Variants in RRM1 observed in about 807,000 individuals in gnomAD.
RRM1 encodes the protein ribonucleoside-diphosphate reductase large subunit.
In RRM1, 19 loss-of-function variants were observed where a neutral mutation model predicts 101.5. That is an observed-to-expected ratio of 0.19 (90% CI 0.13 to 0.27). The LOEUF (loss-of-function observed/expected upper bound fraction) is 0.27, where lower values mean the gene tolerates loss of function less well. Among genes scored for constraint, RRM1 ranks in the 10% least tolerant of loss-of-function variants. The probability of loss-of-function intolerance (pLI) is 1.00; values close to 1 mark genes in which losing one functional copy is unlikely to be tolerated. For synonymous variants in RRM1, 298 were observed against 323.4 expected (o/e 0.92, Z 0.84); for missense variants, 500 against 962.9 (o/e 0.52, Z 6.36).
intron 1 of RRM1, among the ~76,000 whole-genome samples, chr11:4,097,370 A>G (rs1054350854): frequency 1.1e-4 from 17 of 151,648 alleles, no homozygotes; most frequent in African/African-American, 3.6e-4. Context: ...ATAGAGCACA[A>G]TTTGATCCAG....
intron 1 of RRM1, among the ~76,000 whole-genome samples, chr11:4,098,610 T>C (rs2094546778): frequency 6.6e-6 from 1 of 152,122 alleles, no homozygotes; most frequent in African/African-American, 2.4e-5. Context: ...ATAAATACTC[T>C]GATAGGTAAA....
intron 18 of RRM1, among the ~76,000 whole-genome samples, chr11:4,137,628 TC>T (rs1216698111): frequency 2.3e-4 from 1 of 4,294 alleles, no homozygotes. Flanking sequence ...GGGGGCTGAC[TC>T]CCCCCACCTC....
At position 4,127,547 on chromosome 11, in the gene RRM1, G is replaced by GT. The variant is rs576827092; in HGVS notation, c.1692+291_1692+292insT. On this transcript the variant is annotated intron_variant, in intron 14 of 18. Transcript: ENST00000300738. Reference sequence around the variant, plus strand: ...TGGAGTGTTACAACCACAAGCCTTGGAATGCTGATAACCACTAGAAGTTAT... The same window carrying GT: ...TGGAGTGTTACAACCACAAGCCTTGGTAATGCTGATAACCACTAGAAGTTAT... Among the ~76,000 whole-genome samples the GT allele has an allele frequency of 3.9e-5, 6 of 152,238 alleles. No homozygotes were observed. The East Asian group carries it at 1.2e-3, about 29-fold the overall frequency.
chr11:4,120,073 A>T, intron 9 of RRM1, 145 bp downstream of exon 9: 1 of 567,320 alleles, frequency 1.8e-6, no homozygotes, highest in Non-Finnish European at 3.1e-6. Context: ...TTATTTTAAT[A>T]TGCATATACT....
intron 7 of RRM1, 76 bp downstream of exon 7, chr11:4,112,138 T>G: frequency 8.6e-7 from 1 of 1,162,620 alleles, no homozygotes; most frequent in Non-Finnish European, 1.2e-6. Flanking sequence ...AAAAATAATT[T>G]AATGACCTTT....
chr11:4,138,217 ATT>A lies in RRM1; in HGVS notation c.2215_2216del (p.Leu739LysfsTer7). On this transcript the variant is annotated frameshift_variant, in exon 19 of 19. Transcript: ENST00000300738. LOFTEE classifies it high-confidence loss of function. The stretch of plus-strand genomic sequence containing the variant: ...TAGGGTTTGAAGACTGGGATGTATT[ATT>A]TAAGGACAAGACCAGCGGCTAATCC... 6.3e-7 allele frequency: 1 copy of A among 1,585,270 alleles called. No individual in the cohort carries two copies. Among genetic ancestry groups the A allele is most frequent in the African/African-American group, 1.3e-5 (1 of 74,290 alleles).
chr11:4,135,314 T>C (rs1420214712), intron 18 of RRM1, 44 bp downstream of exon 18: 1 of 1,419,336 alleles, frequency 7.0e-7, no homozygotes, highest in East Asian at 2.4e-5. Context: ...CAGCTTGAGA[T>C]ATTTTGGCAT....
chr11:4,123,380 A>G lies in RRM1; in HGVS notation c.1316A>G (p.Asp439Gly). The change falls in exon 12 of 19, where the codon GAT becomes GGT. Residue 439 changes from aspartate to glycine, a missense_variant. This residue lies in a region of RRM1 where 80 missense variants were observed against 170.9 expected (regional missense o/e 0.47). Coordinates refer to ENST00000300738, the MANE Select transcript of RRM1 (RefSeq NM_001033.5). ...CTEIVEYTSK[D>G]EVAVCNLASL... The stretch of plus-strand genomic sequence containing the variant: ...GAAATAGTGGAGTACACCAGCAAAG[A>G]TGAGGTAGGTAGAAAAAATTCTTCC... 2.5e-6 allele frequency: 4 copies of G among 1,613,752 alleles called. No individual in the cohort carries two copies. The highest frequency in any genetic ancestry group is 3.4e-6 in the Non-Finnish European group (4 of 1,179,650).
At chr11:4,135,663 C>G (rs536584533) in intron 18 of RRM1, among the ~76,000 whole-genome samples, 163 of 152,176 alleles carry the variant, frequency 1.1e-3, no homozygotes, top group African/African-American at 3.8e-3. Flanking sequence ...GTGTGCATTA[C>G]CACCATTCCT....
chr11:4,138,591 A>G lies in RRM1; in HGVS notation c.*208A>G. The G allele has an allele frequency of 2.7e-6, 1 of 366,558 alleles. No individual in the cohort carries two copies. The highest frequency in any genetic ancestry group is 4.8e-6 in the Non-Finnish European group (1 of 207,398). 22.7% of individuals were successfully genotyped at this position (366,558 alleles called of 1,614,324 possible). On this transcript the variant is annotated 3_prime_UTR_variant, in exon 19 of 19. Transcript: ENST00000300738. ...GATTTTCACCAAAATAATGCTTTTGAAAAAAAGAAAAAAAAAACGGATATA... is the reference window on the plus strand; with the variant it reads ...GATTTTCACCAAAATAATGCTTTTGGAAAAAAGAAAAAAAAAACGGATATA...
At chr11:4,123,694 G>C (rs2094585230) in intron 12 of RRM1, among the ~76,000 whole-genome samples, 1 of 152,174 alleles carries the variant, frequency 6.6e-6, no homozygotes, top group Non-Finnish European at 1.5e-5. Flanking sequence ...AAATGTGTTA[G>C]GATGTACATT....
chr11:4,105,577 C>G (rs75801587), intron 2 of RRM1: 1 of 262,790 alleles, frequency 3.8e-6, no homozygotes, highest in Admixed American at 6.3e-5. Context: ...TTTTTTCTTT[C>G]CTTTTTTTTT....
chr11:4,125,749 C>A (rs77782983), intron 12 of RRM1, among the ~76,000 whole-genome samples: 7,447 of 152,232 alleles, frequency 0.049, 218 homozygotes, highest in African/African-American at 0.079. Context: ...AAAAATTATA[C>A]CCCCTTCATC....
At chr11:4,126,903 C>A in intron 13 of RRM1, 70 bp downstream of exon 13, 1 of 1,454,554 alleles carries the variant, frequency 6.9e-7, no homozygotes, top group Non-Finnish European at 9.4e-7. Flanking sequence ...TCATGATCTT[C>A]AAGTCATCAT....
chr11:4,135,407 A>T, intron 18 of RRM1, 137 bp downstream of exon 18: 2 of 621,520 alleles, frequency 3.2e-6, no homozygotes, highest in Non-Finnish European at 5.2e-6. Flanking sequence ...GTTAAAACCA[A>T]CCCATGGTTT....
chr11:4,117,100 G>A (rs2094574820), intron 7 of RRM1, among the ~76,000 whole-genome samples: 1 of 152,150 alleles, frequency 6.6e-6, no homozygotes, highest in African/African-American at 2.4e-5. Context: ...CTGTGCAATA[G>A]GAAAATGAAA....
rs1176787475 is a variant in RRM1, at chr11:4,107,549, T to G, written c.387+14T>G. On this transcript the variant is annotated intron_variant, in intron 4 of 18. Transcript: ENST00000300738. ...GCCAATAAAGATGTATGTATAACAC[T>G]TATCTGGTGGAAATTTTTTGAGAGT... 3 of 1,545,268 alleles carry G rather than the reference T, an allele frequency of 1.9e-6. No individual in the cohort carries two copies. In the Admixed American group the frequency reaches 5.3e-5, roughly 27 times the overall value.
chr11:4,129,478 T>A (rs991550058), intron 15 of RRM1, among the ~76,000 whole-genome samples: 2 of 151,480 alleles, frequency 1.3e-5, no homozygotes, highest in East Asian at 1.9e-4. Context: ...TTTTTTTTTT[T>A]AAATGTTTTT....
At chr11:4,133,268 C>A (rs1366376920) in intron 16 of RRM1, among the ~76,000 whole-genome samples, 1 of 152,154 alleles carries the variant, frequency 6.6e-6, no homozygotes, top group African/African-American at 2.4e-5. Context: ...CCTCTGCCTC[C>A]TGGGTTCAAG....
Sources: gnomAD v4.1 joint callset for allele counts (sites outside exome capture counted in the v4.1 genomes callset) on GRCh38, gnomAD v4.1.1 for gene constraint, gnomAD v4.1.1 regional missense constraint, MANE v1.5 for transcripts, NCBI Gene and HGNC (gene_info 2026-07-23, HGNC 2026-07-21) for gene names.